KCNIP4: variants seen among roughly 807,000 people sequenced by gnomAD.
KCNIP4 encodes the protein potassium voltage-gated channel interacting protein 4.
Under a neutral mutation model 34.0 loss-of-function variants are expected in KCNIP4, and 12 were observed. That is an observed-to-expected ratio of 0.35 (90% confidence interval 0.23 to 0.57). The LOEUF (loss-of-function observed/expected upper bound fraction) is 0.57. KCNIP4 is among the 20% of genes least tolerant of loss of function. The probability of loss-of-function intolerance (pLI) is 0.83; values close to 1 mark genes in which losing one functional copy is unlikely to be tolerated. For missense variants in KCNIP4, 238 were observed against 311.7 expected, an observed-to-expected ratio of 0.76 and a Z score of 1.78; for synonymous variants, 124 against 102.2, an observed-to-expected ratio of 1.21 and a Z score of -1.29.
chr4:20,916,928 C>T (rs1728867610), intron 1 of KCNIP4, among the ~76,000 whole-genome samples: 1 of 144,614 alleles, frequency 6.9e-6, no homozygotes, highest in African/African-American at 2.5e-5. Context: ...CCCCTCCTGT[C>T]CTTTCCCTTT....
chr4:21,857,001 G>C (rs933811059), intron 1 of KCNIP4, among the ~76,000 whole-genome samples: 1 of 152,156 alleles, frequency 6.6e-6, no homozygotes, highest in Non-Finnish European at 1.5e-5. Context: ...AGCACAAACA[G>C]TCTTGGCATC....
intron 1 of KCNIP4, among the ~76,000 whole-genome samples, chr4:21,173,868 T>C (rs1039724803): frequency 1.3e-5 from 2 of 152,212 alleles, no homozygotes; most frequent in Non-Finnish European, 2.9e-5. Context: ...TGGTTTCTCA[T>C]AGAATACTTC....
chr4:21,666,500 G>A (rs139556907), intron 1 of KCNIP4, among the ~76,000 whole-genome samples: 4 of 152,274 alleles, frequency 2.6e-5, no homozygotes, highest in East Asian at 1.9e-4. Flanking sequence ...GTCAGCACAC[G>A]TATTTATATT....
At chr4:20,989,152 C>T (rs1434171175) in intron 1 of KCNIP4, among the ~76,000 whole-genome samples, 1 of 152,208 alleles carries the variant, frequency 6.6e-6, no homozygotes, top group African/African-American at 2.4e-5. Context: ...TATATGTGCT[C>T]TGCACGTGTA....
intron 1 of KCNIP4, among the ~76,000 whole-genome samples, chr4:21,377,796 G>A (rs1000051181): frequency 5.3e-5 from 8 of 152,146 alleles, no homozygotes; most frequent in Non-Finnish European, 1.2e-4. Context: ...TAGTTCCTCT[G>A]GTCCTAACCA....
At chr4:21,107,592 C>A (rs1166530656) in intron 1 of KCNIP4, among the ~76,000 whole-genome samples, 1 of 148,386 alleles carries the variant, frequency 6.7e-6, no homozygotes, top group Admixed American at 6.7e-5. Context: ...GCATTTAGTC[C>A]ATTTACATTT....
At chr4:21,651,646 C>T (rs1344435681) in intron 1 of KCNIP4, among the ~76,000 whole-genome samples, 1 of 152,050 alleles carries the variant, frequency 6.6e-6, no homozygotes, top group African/African-American at 2.4e-5. Context: ...TTAGCAAGAG[C>T]CAAAGAAACT....
At chr4:20,956,017 A>G (rs1733266030) in intron 1 of KCNIP4, among the ~76,000 whole-genome samples, 2 of 152,184 alleles carry the variant, frequency 1.3e-5, no homozygotes, top group Non-Finnish European at 2.9e-5. Context: ...TGTATTCTTG[A>G]CACTTACTGA....
chr4:21,196,568 C>A (rs1488109995), intron 1 of KCNIP4, among the ~76,000 whole-genome samples: 1 of 152,182 alleles, frequency 6.6e-6, no homozygotes, highest in Non-Finnish European at 1.5e-5. Flanking sequence ...GGGTGTGCAA[C>A]CTGTATAACA....
Position 20,884,679 on chromosome 4 carries a change from C to T in KCNIP4, c.62-1970G>A, listed in dbSNP as rs963714741. 2.7e-4 allele frequency among the ~76,000 whole-genome samples: 41 copies of T among 150,354 alleles called. 1 individual carries two copies. The highest frequency in any genetic ancestry group is 9.5e-4 in the African/African-American group (39 of 40,954). ...CTCAGTTTTGTCAGCTGTTCACCAA[C>T]TCTCAACTTCTGTATCCCAGTGCAG... On this transcript the variant is annotated intron_variant, in intron 1 of 8. Coordinates refer to ENST00000382152, the MANE Select transcript of KCNIP4 (RefSeq NM_025221.6).
At chr4:21,704,159 C>T (rs1382783591) in intron 1 of KCNIP4, among the ~76,000 whole-genome samples, 1 of 151,854 alleles carries the variant, frequency 6.6e-6, no homozygotes, top group Non-Finnish European at 1.5e-5. Context: ...GATCTCACAC[C>T]TTGTATAAAT....
At chr4:21,285,090 A>G (rs982313881) in intron 1 of KCNIP4, among the ~76,000 whole-genome samples, 5 of 152,218 alleles carry the variant, frequency 3.3e-5, no homozygotes, top group African/African-American at 9.6e-5. Flanking sequence ...AGGTTGATCC[A>G]TTAGCAAATA....
At chr4:21,250,318 T>C (rs761924640) in intron 1 of KCNIP4, among the ~76,000 whole-genome samples, 1 of 152,034 alleles carries the variant, frequency 6.6e-6, no homozygotes. Flanking sequence ...GTTTAAAACA[T>C]TATGAAACTT....
At chr4:20,795,058 C>CTA (rs1476247867) in intron 3 of KCNIP4, among the ~76,000 whole-genome samples, 2 of 152,100 alleles carry the variant, frequency 1.3e-5, no homozygotes, top group Non-Finnish European at 2.9e-5. Flanking sequence ...CCGGGTTGAA[C>CTA]TTTAATTTAA....
rs144453164 is a variant in KCNIP4, at chr4:21,722,536, TCAGCCA to T, written c.61+226029_61+226034del. ...TTGTAAGAAAAATGCTCCCTTTTCC[TCAGCCA>T]AAAGTTTTCTTACTTTCAGTTAGGA... On this transcript the variant is annotated intron_variant, in intron 1 of 8. Transcript: ENST00000382152. Among the ~76,000 whole-genome samples the T allele has an allele frequency of 8.7e-3, 1,327 of 152,278 alleles. 18 individuals carry two copies. The highest frequency in any genetic ancestry group is 0.039 in the South Asian group (188 of 4,828).
intron 1 of KCNIP4, among the ~76,000 whole-genome samples, chr4:21,381,507 C>T (rs575813866): frequency 6.6e-6 from 1 of 152,156 alleles, no homozygotes; most frequent in Non-Finnish European, 1.5e-5. Context: ...ATTACTCCCA[C>T]CCAAATCCTT....
chr4:20,898,704 T>C (rs1316250974), intron 1 of KCNIP4, among the ~76,000 whole-genome samples: 2 of 152,192 alleles, frequency 1.3e-5, no homozygotes, highest in African/African-American at 2.4e-5. Context: ...ACTGAATAAA[T>C]AACTGTAAAC....
intron 1 of KCNIP4, among the ~76,000 whole-genome samples, chr4:21,724,447 T>C (rs1715046409): frequency 6.6e-6 from 1 of 152,140 alleles, no homozygotes. Context: ...TATTATTACA[T>C]GAACATCATC....
intron 1 of KCNIP4, among the ~76,000 whole-genome samples, chr4:21,095,852 T>G (rs1476164313): frequency 6.6e-6 from 1 of 152,190 alleles, no homozygotes; most frequent in Non-Finnish European, 1.5e-5. Context: ...TCACATCTGC[T>G]TAGTTGTTAT....
Sources: allele counts gnomAD v4.1 joint callset (sites outside exome capture counted in the v4.1 genomes callset), GRCh38; gene constraint gnomAD v4.1.1; transcripts MANE v1.5; gene names NCBI Gene and HGNC (gene_info 2026-07-23, HGNC 2026-07-21).